ITGA7: variants seen among roughly 807,000 people sequenced by gnomAD.
ITGA7 encodes the protein integrin alpha-7.
ITGA7 carries 84 observed loss-of-function variants against 131.6 expected under a neutral mutation model. The ratio of observed to expected loss-of-function variants is 0.64; its 90% confidence interval spans 0.54 to 0.77. The LOEUF (loss-of-function observed/expected upper bound fraction) is 0.77, where lower values mean the gene tolerates loss of function less well. ITGA7 is among the 30% of genes least tolerant of loss of function. The probability of loss-of-function intolerance (pLI) is 0.00; values close to 1 mark genes in which losing one functional copy is unlikely to be tolerated. For missense variants in ITGA7, 1,399 were observed against 1,482.9 expected (o/e 0.94, Z 0.93); for synonymous variants, 548 against 600.7 (o/e 0.91, Z 1.28).
Position 55,688,080 on chromosome 12 carries a change from T to C in ITGA7, c.3074A>G (p.Tyr1025Cys), listed in dbSNP as rs1448817255. The change falls in exon 24 of 25, where the codon TAC becomes TGC. Residue 1025 changes from tyrosine to cysteine, a missense_variant. Transcript: ENST00000257879. ...DASTVIPVMV[Y>C]LDPMAVVAEG... is the part of the protein sequence containing the mutation. The stretch of plus-strand genomic sequence containing the variant: ...TGCCACCACAGCCATGGGGTCCAAG[T>C]ATACCATCACTGGGATCTGGGGAGC... 6.2e-7 allele frequency: 1 copy of C among 1,614,036 alleles called. No homozygotes were observed.
At position 55,707,738 on chromosome 12, in the gene ITGA7, A is replaced by C; in HGVS notation, c.-56T>G. 1 of 1,550,498 alleles carries C rather than the reference A, an allele frequency of 6.4e-7. No homozygotes were observed. The highest frequency in any genetic ancestry group is 8.7e-7 in the Non-Finnish European group (1 of 1,146,818). On this transcript the variant is annotated 5_prime_UTR_variant, in exon 1 of 25. Transcript: ENST00000257879. Reference sequence around the variant, plus strand: ...TGCAAGGGAAATCTCGCACGCCCCAAGCCCCAGGTCCCCCCAGGCGCGTCT... The same window carrying C: ...TGCAAGGGAAATCTCGCACGCCCCACGCCCCAGGTCCCCCCAGGCGCGTCT...
chr12:55,697,725 C>T lies in ITGA7; in HGVS notation c.1379G>A (p.Gly460Asp), dbSNP rs1232868956. 6 of 1,614,136 alleles carry T rather than the reference C, an allele frequency of 3.7e-6. No individual in the cohort carries two copies. Among genetic ancestry groups the T allele is most frequent in the East Asian group, 2.2e-5 (1 of 44,890 alleles). ...DGNQYPDLLV[G>D]SLADTAVLFR... is the part of the protein sequence containing the mutation. ...GAGCACTGCGGTGTCAGCCAGGGAG[C>T]CCACCAGCAGGTCAGGGTATTGGTT... Residue 460 changes from glycine to aspartate, a missense_variant, in exon 9 of 25, where the codon GGC (glycine) becomes GAC (aspartate). Physicochemically the swap from Gly to Asp is moderately conservative, Grantham distance 94 (BLOSUM62 -1). Coordinates refer to ENST00000257879, the MANE Select transcript of ITGA7 (RefSeq NM_002206.3).
At chr12:55,702,993 C>G (rs1404649124) in intron 2 of ITGA7, 42 bp from the exon 3 acceptor site, 4 of 1,613,054 alleles carry the variant, frequency 2.5e-6, no homozygotes, top group Non-Finnish European at 3.4e-6. Flanking sequence ...GAAGAGGAGC[C>G]CAAGTCCTCT....
chr12:55,697,513 G>A lies in ITGA7; in HGVS notation c.1443C>T (p.Val481=). The change falls in exon 10 of 25, where the codon GTC becomes GTT. Residue 481 remains valine, a synonymous_variant. Coordinates refer to ENST00000257879, the MANE Select transcript of ITGA7 (RefSeq NM_002206.3). ...ARPILHVSHE[V]SIAPRSIDLE... ...GGTCGATGCTTCGTGGAGCAATAGA[G>A]ACCTCATGGGAGACATGGAGGATGG... 4.3e-6 allele frequency: 7 copies of A among 1,614,082 alleles called. No individual in the cohort carries two copies. The highest frequency in any genetic ancestry group is 5.9e-6 in the Non-Finnish European group (7 of 1,180,024).
intron 1 of ITGA7, among the ~76,000 whole-genome samples, chr12:55,706,064 G>A (rs1196188087): frequency 1.3e-5 from 2 of 152,232 alleles, no homozygotes; most frequent in Non-Finnish European, 2.9e-5. Context: ...CTGGGAGACG[G>A]AACCAGGGGC....
chr12:55,707,785 G>A lies in ITGA7; in HGVS notation c.-103C>T, dbSNP rs1434381946. Reference sequence around the variant, plus strand: ...GTCTCTGGTCTCCAAAGTCTCGTTGGTCTTTCAGACGTCTCCCAGACGTTC... The same window carrying A: ...GTCTCTGGTCTCCAAAGTCTCGTTGATCTTTCAGACGTCTCCCAGACGTTC... On this transcript the variant is annotated 5_prime_UTR_variant, in exon 1 of 25. Transcript: ENST00000257879. 5.2e-6 allele frequency: 8 copies of A among 1,529,360 alleles called. No homozygotes were observed. Among genetic ancestry groups the A allele is most frequent in the South Asian group, 1.2e-5 (1 of 82,768 alleles). 94.7% of individuals were successfully genotyped at this position (1,529,360 alleles called of 1,614,324 possible). A position where few individuals can be genotyped will look rare whatever the true frequency, so the allele number is the denominator to read the frequency against.
rs771488169 is a variant in ITGA7, at chr12:55,685,140, C to A, written c.3332G>T (p.Gly1111Val). ...RNNWGSPRRE[G>V]PDAHPILAAD... ...AGCCAGGATGGGGTGTGCATCCGGG[C>A]CCTCCCGCCGGGGGCTGCCCCAGTT... The change falls in exon 25 of 25, where the codon GGC (glycine) becomes GTC (valine). Residue 1111 changes from glycine to valine, a missense_variant. Coordinates refer to ENST00000257879, the MANE Select transcript of ITGA7 (RefSeq NM_002206.3). 1 of 1,613,552 alleles carries A rather than the reference C, an allele frequency of 6.2e-7. No homozygotes were observed. Among genetic ancestry groups the A allele is most frequent in the Non-Finnish European group, 8.5e-7 (1 of 1,180,016 alleles).
At chr12:55,714,295 G>A (rs1330808400), upstream of ITGA7, among the ~76,000 whole-genome samples, 1 of 151,944 alleles carries the variant, frequency 6.6e-6, no homozygotes, top group African/African-American at 2.4e-5. Flanking sequence ...GGCGGATCAC[G>A]AGGTCAGGAG....
Position 55,687,893 on chromosome 12 carries a change from G to A in ITGA7, c.3183+78C>T. On this transcript the variant is annotated intron_variant, in intron 24 of 24. Transcript: ENST00000257879. ...TGCTGAATACATGAGTGTGTGGGTGGGTGACAGAACCACAATACAAAATGC... is the reference window on the plus strand; with the variant it reads ...TGCTGAATACATGAGTGTGTGGGTGAGTGACAGAACCACAATACAAAATGC... 6 of 1,593,282 alleles carry A rather than the reference G, an allele frequency of 3.8e-6. No homozygotes were observed. The Admixed American group carries it at 1.0e-4, about 27-fold the overall frequency.
chr12:55,694,953 G>A lies in ITGA7; in HGVS notation c.2021C>T (p.Thr674Ile). 6.2e-7 allele frequency: 1 copy of A among 1,613,568 alleles called. No individual in the cohort carries two copies. The highest frequency in any genetic ancestry group is 8.5e-7 in the Non-Finnish European group (1 of 1,179,976). ...QPLPMDVDGT[T>I]ALFALSGQPV... ...CTGCCCACTCAGTGCAAACAGGGCT[G>A]TTGTTCCATCCACATCCCTGGAGAG... Residue 674 changes from threonine to isoleucine, a missense_variant, in exon 15 of 25, where the codon ACA becomes ATA. Transcript: ENST00000257879. The surrounding 1 kb of genome is among the most constrained non-coding windows in gnomAD (Gnocchi z 5.3).
intron 24 of ITGA7, chr12:55,686,285 G>T (rs1027101119): frequency 1.5e-6 from 2 of 1,344,416 alleles, no homozygotes. Context: ...GAAAAGATGA[G>T]CTCTGGCTGC....
rs769464481 is a variant in ITGA7, at chr12:55,699,838, C to A, written c.790+32G>T. 9 of 1,584,798 alleles carry A rather than the reference C, an allele frequency of 5.7e-6. No individual in the cohort carries two copies. The Admixed American group carries it at 1.5e-4, about 26-fold the overall frequency. On this transcript the variant is annotated intron_variant, in intron 5 of 24. Transcript: ENST00000257879. ...GGAAGGAGGGGAGGCTGGGCCATGC[C>A]CCTAGAGTCCAGGAGGTGGGAGCTT... is the stretch of plus-strand genomic sequence containing the variant.
At chr12:55,715,600 T>C (rs1168339071), upstream of ITGA7, among the ~76,000 whole-genome samples, 2 of 152,138 alleles carry the variant, frequency 1.3e-5, no homozygotes, top group Non-Finnish European at 2.9e-5. Context: ...CTGAAGTGCC[T>C]AAAATGCTTC....
At position 55,692,824 on chromosome 12, in the gene ITGA7, C is replaced by T. The variant is rs754459718; in HGVS notation, c.2844+20G>A. ...CAGCACCCCGGAGCTCTGGCTGCACCGAGTCTGGCCTGCCCTCACCAGGGT... is the reference window on the plus strand; with the variant it reads ...CAGCACCCCGGAGCTCTGGCTGCACTGAGTCTGGCCTGCCCTCACCAGGGT... On this transcript the variant is annotated intron_variant, in intron 21 of 24. Coordinates refer to ENST00000257879, the MANE Select transcript of ITGA7 (RefSeq NM_002206.3). 2.5e-5 allele frequency: 40 copies of T among 1,595,048 alleles called. No homozygotes were observed. Among genetic ancestry groups the T allele is most frequent in the South Asian group, 5.6e-5 (5 of 88,674 alleles).
intron 22 of ITGA7, among the ~76,000 whole-genome samples, chr12:55,688,579 C>T (rs1378727955): frequency 6.6e-6 from 1 of 151,944 alleles, no homozygotes; most frequent in Non-Finnish European, 1.5e-5. Flanking sequence ...ACAAAAATAT[C>T]GGGTGTGGTG....
In ITGA7 at chr12:55,695,647, G is replaced by A. The variant is rs775151054; in HGVS notation, c.1888-10C>T. 5.0e-6 allele frequency: 8 copies of A among 1,601,752 alleles called. No individual in the cohort carries two copies. The East Asian group carries it at 1.1e-4, about 22-fold the overall frequency. On this transcript the variant is annotated splice_polypyrimidine_tract_variant and intron_variant, in intron 13 of 24. Coordinates refer to ENST00000257879, the MANE Select transcript of ITGA7 (RefSeq NM_002206.3). ...GCTTCAGGAAGTGGATCTGGGGAGA[G>A]ACATGAGATAAGGGGCATTCCTAGG...
intron 1 of ITGA7, among the ~76,000 whole-genome samples, chr12:55,703,787 G>A (rs1874600880): frequency 6.6e-6 from 1 of 152,040 alleles, no homozygotes; most frequent in South Asian, 2.1e-4. Flanking sequence ...CACTCTGGCT[G>A]GCATGGAGGT....
intron 19 of ITGA7, among the ~76,000 whole-genome samples, chr12:55,693,718 G>A (rs1379483993): frequency 1.3e-5 from 2 of 152,098 alleles, no homozygotes; most frequent in Admixed American, 6.5e-5. Context: ...TCTAGGGAGA[G>A]ACATTAACCC....
At position 55,686,273 on chromosome 12, in the gene ITGA7, G is replaced by C. The variant is rs752967006; in HGVS notation, c.3184-985C>G. ...CCAGACAGGCCCGGTGATAGTTGGT[G>C]GGAAAAGATGAGCTCTGGCTGCTCC... On this transcript the variant is annotated intron_variant, in intron 24 of 24. Coordinates refer to ENST00000257879, the MANE Select transcript of ITGA7 (RefSeq NM_002206.3). The C allele has an allele frequency of 6.7e-6, 9 of 1,347,142 alleles. No homozygotes were observed. In the African/African-American group the frequency reaches 1.2e-4, roughly 18 times the overall value. 83.4% of individuals were successfully genotyped at this position (1,347,142 alleles called of 1,614,324 possible).
Sources: gnomAD v4.1 joint callset for allele counts (sites outside exome capture counted in the v4.1 genomes callset) on GRCh38, gnomAD v4.1.1 for gene constraint, Gnocchi (gnomAD v3.1) non-coding constraint, MANE v1.5 for transcripts, NCBI Gene and HGNC (gene_info 2026-07-23, HGNC 2026-07-21) for gene names.